The following AGBL4 variants were observed in gnomAD, a reference collection of about 807,000 sequenced individuals.
AGBL4 encodes the protein AGBL carboxypeptidase 4, also known as cytosolic carboxypeptidase 6.
AGBL4 carries 58 observed loss-of-function variants against 66.4 expected under a neutral mutation model. That is an observed-to-expected ratio of 0.87 (90% CI 0.71 to 1.09). AGBL4 has a LOEUF of 1.09. AGBL4 is among the 50% of genes least tolerant of loss of function. The probability of loss-of-function intolerance (pLI) is 0.00; values close to 1 mark genes in which losing one functional copy is unlikely to be tolerated. For missense variants in AGBL4, 579 were observed against 631.0 expected (o/e 0.92, Z 0.88); for synonymous variants, 234 against 222.9 (o/e 1.05, Z -0.44).
intron 3 of AGBL4, among the ~76,000 whole-genome samples, chr1:49,563,624 T>C (rs2148858179): frequency 6.6e-6 from 1 of 152,302 alleles, no homozygotes; most frequent in East Asian, 1.9e-4. Flanking sequence ...TTGATTTTCA[T>C]ATGTTGAACC....
chr1:48,636,409 T>C (rs319988), intron 8 of AGBL4, among the ~76,000 whole-genome samples: 72,430 of 152,082 alleles, frequency 0.48, 19,048 homozygotes, highest in Middle Eastern at 0.66. Flanking sequence ...TTTTATGCCA[T>C]ACAAGCCCTG....
rs377603618 is a variant in AGBL4, at chr1:49,522,526, T to C, written c.282+174787A>G. On this transcript the variant is annotated intron_variant, in intron 3 of 13. Transcript: ENST00000371839. ...TATAAGAACTGTAATCACTAGTGCCTGGTTTTGCTCAATTTTACATCCCAG... is the reference window on the plus strand; with the variant it reads ...TATAAGAACTGTAATCACTAGTGCCCGGTTTTGCTCAATTTTACATCCCAG... Among the ~76,000 whole-genome samples, 52 of 152,258 alleles carry C rather than the reference T, an allele frequency of 3.4e-4. 1 individual carries two copies. In the South Asian group the frequency reaches 9.7e-3, roughly 29 times the overall value.
At chr1:49,774,354 A>G (rs1644142695) in intron 2 of AGBL4, among the ~76,000 whole-genome samples, 1 of 151,902 alleles carries the variant, frequency 6.6e-6, no homozygotes, top group Non-Finnish European at 1.5e-5. Context: ...TTTGCTCCAC[A>G]CTCTTTGGAG....
At chr1:48,695,112 T>C (rs1646694103) in intron 6 of AGBL4, among the ~76,000 whole-genome samples, 1 of 152,196 alleles carries the variant, frequency 6.6e-6, no homozygotes, top group African/African-American at 2.4e-5. Flanking sequence ...AATATAGGAC[T>C]CTGTGACGGG....
At chr1:49,805,387 TACAGCCAG>T (rs565109787) in intron 2 of AGBL4, among the ~76,000 whole-genome samples, 74 of 152,188 alleles carry the variant, frequency 4.9e-4, no homozygotes, top group Admixed American at 2.2e-3. Context: ...AAAAAGAAAT[TACAGCCAG>T]ACAACTCTAT....
At chr1:49,543,334 C>G (rs762780741) in intron 3 of AGBL4, among the ~76,000 whole-genome samples, 1 of 152,144 alleles carries the variant, frequency 6.6e-6, no homozygotes, top group African/African-American at 2.4e-5. Flanking sequence ...AGTCCCTGCT[C>G]TACTCCTTAT....
intron 5 of AGBL4, among the ~76,000 whole-genome samples, chr1:49,039,172 C>G (rs1299083918): frequency 6.6e-6 from 1 of 151,922 alleles, no homozygotes; most frequent in East Asian, 1.9e-4. Context: ...CAGTGGTTGA[C>G]AGGGGTTATG....
intron 3 of AGBL4, among the ~76,000 whole-genome samples, chr1:49,624,000 A>AGT (rs1413308536): frequency 7.2e-6 from 1 of 138,964 alleles, no homozygotes; most frequent in African/African-American, 3.2e-5. Flanking sequence ...TTGATGAGAG[A>AGT]GAGTGTGTGT....
At chr1:48,962,644 T>C (rs1183516920) in intron 5 of AGBL4, among the ~76,000 whole-genome samples, 2 of 152,202 alleles carry the variant, frequency 1.3e-5, no homozygotes, top group East Asian at 3.9e-4. Context: ...CGGGCCTTGC[T>C]ACCTACCTAT....
intron 6 of AGBL4, among the ~76,000 whole-genome samples, chr1:48,811,414 A>G (rs1404569719): frequency 6.6e-6 from 1 of 152,154 alleles, no homozygotes; most frequent in African/African-American, 2.4e-5. Context: ...TGCCTTCTGT[A>G]TGTTCCTGGA....
intron 3 of AGBL4, among the ~76,000 whole-genome samples, chr1:49,552,151 C>T (rs1357251038): frequency 2.0e-5 from 3 of 152,120 alleles, no homozygotes; most frequent in Admixed American, 6.5e-5. Flanking sequence ...TCACTCCCAC[C>T]GTGCCCTCAC....
intron 3 of AGBL4, among the ~76,000 whole-genome samples, chr1:49,504,120 C>T (rs990650781): frequency 6.6e-6 from 1 of 152,066 alleles, no homozygotes; most frequent in African/African-American, 2.4e-5. Flanking sequence ...CCATGCTGTT[C>T]TGGTGATAGT....
At chr1:48,697,860 TGGTGGTTTATGGAAAA>T (rs1444466590) in intron 6 of AGBL4, among the ~76,000 whole-genome samples, 1 of 152,204 alleles carries the variant, frequency 6.6e-6, no homozygotes, top group Non-Finnish European at 1.5e-5. Flanking sequence ...GCTAACTTCC[TGGTGGTTTATGGAAAA>T]GGTGGCTGAA....
chr1:49,713,858 G>A (rs1647867253), intron 2 of AGBL4, among the ~76,000 whole-genome samples: 1 of 151,884 alleles, frequency 6.6e-6, no homozygotes. Context: ...ACAAACTCCT[G>A]AGTTCAAGGG....
At chr1:49,924,732 A>T (rs545317632) in intron 1 of AGBL4, among the ~76,000 whole-genome samples, 2 of 152,270 alleles carry the variant, frequency 1.3e-5, no homozygotes, top group East Asian at 1.9e-4. Context: ...TATTATTTAC[A>T]CTGTAACAGA....
intron 2 of AGBL4, among the ~76,000 whole-genome samples, chr1:49,843,830 C>T (rs1377560127): frequency 6.6e-6 from 1 of 152,120 alleles, no homozygotes; most frequent in Non-Finnish European, 1.5e-5. Context: ...CACATCACCC[C>T]TCTAGGCCAC....
intron 8 of AGBL4, among the ~76,000 whole-genome samples, chr1:48,641,120 G>A (rs1645748139): frequency 6.6e-6 from 1 of 152,158 alleles, no homozygotes. Context: ...CATTACCAAT[G>A]AGCTGGATTG....
At chr1:49,873,954 A>G (rs189101603) in intron 1 of AGBL4, among the ~76,000 whole-genome samples, 1 of 152,260 alleles carries the variant, frequency 6.6e-6, no homozygotes, top group Non-Finnish European at 1.5e-5. Flanking sequence ...AAACAAGAAA[A>G]TTATGGAGAA....
At chr1:49,019,516 T>C (rs549859251) in intron 5 of AGBL4, among the ~76,000 whole-genome samples, 5 of 152,314 alleles carry the variant, frequency 3.3e-5, no homozygotes, top group Non-Finnish European at 7.3e-5. Context: ...GCCAAGATTG[T>C]CAAATGTGGC....
Sources: gnomAD v4.1 joint callset for allele counts (sites outside exome capture counted in the v4.1 genomes callset) on GRCh38, gnomAD v4.1.1 for gene constraint, MANE v1.5 for transcripts, NCBI Gene and HGNC (gene_info 2026-07-23, HGNC 2026-07-21) for gene names.